NUP188: variants seen among roughly 807,000 people sequenced by gnomAD.
The protein encoded by NUP188 is nucleoporin 188.
A neutral mutation model predicts 223.0 loss-of-function variants in NUP188; 97 were observed. The observed-to-expected ratio is 0.43, with a 90% CI of 0.37 to 0.51. The LOEUF is 0.51. NUP188 is among the 20% of genes least tolerant of loss of function. The pLI is 0.00. For missense variants in NUP188, 1,947 were observed against 2,175.6 expected (o/e 0.89, Z 2.09); for synonymous variants, 869 against 828.0 (o/e 1.05, Z -0.85).
At chr9:128,968,763 A>G in intron 9 of NUP188, 46 bp downstream of exon 9, 3 of 1,424,120 alleles carry the variant, frequency 2.1e-6, no homozygotes, top group South Asian at 2.3e-5. Context: ...TGTTTAGAGC[A>G]TTGATACTAT....
chr9:128,959,457 A>G (rs1325683557), intron 8 of NUP188, among the ~76,000 whole-genome samples: 2 of 151,738 alleles, frequency 1.3e-5, no homozygotes, highest in African/African-American at 4.8e-5. Flanking sequence ...CTCTTAGGAG[A>G]ATTGTATACC....
intron 37 of NUP188, among the ~76,000 whole-genome samples, 157 bp from the exon 38 acceptor site, chr9:129,003,160 G>A (rs984913906): frequency 6.6e-6 from 1 of 152,188 alleles, no homozygotes; most frequent in African/African-American, 2.4e-5. Context: ...GGACGGGAAC[G>A]GTCTCGGGTC....
At position 128,949,254 on chromosome 9, in the gene NUP188, GTGT is replaced by G. The variant is rs1841741532; in HGVS notation, c.87+13_87+15del. 1 of 1,603,808 alleles carries G rather than the reference GTGT, an allele frequency of 6.2e-7. No homozygotes were observed. On this transcript the variant is annotated intron_variant, in intron 2 of 43. Transcript: ENST00000372577. ...GCTCTGAGAGAGCTGGTAAGTGGTGGTGTTCTTGAGTGGGTTCTCTGGGTTCTT... is the reference window on the plus strand; with the variant it reads ...GCTCTGAGAGAGCTGGTAAGTGGTGGTCTTGAGTGGGTTCTCTGGGTTCTT...
In NUP188 at chr9:129,006,051, T is replaced by G. The variant is rs755695202; in HGVS notation, c.4871T>G (p.Leu1624Arg). 3.1e-6 allele frequency: 5 copies of G among 1,614,048 alleles called. No individual in the cohort carries two copies. Among genetic ancestry groups the G allele is most frequent in the Non-Finnish European group, 2.5e-6 (3 of 1,180,042 alleles). ...TTTTTTACCCTTGCTTCTCTTCAGC[T>G]GGACAAGAAAAAGGAGCCCCTCACC... ...VNVALNMLGE[L>R]DKKKEPLTQA... Residue 1624 changes from leucine to arginine, a missense_variant and splice_region_variant, in exon 42 of 44, where the codon CTG (leucine) becomes CGG (arginine). This residue lies in a region of NUP188 where 905 missense variants were observed against 990.6 expected (regional missense o/e 0.91). Coordinates refer to ENST00000372577, the MANE Select transcript of NUP188 (RefSeq NM_015354.3).
chr9:128,967,334 A>G (rs1385776771), intron 8 of NUP188, among the ~76,000 whole-genome samples: 1 of 152,038 alleles, frequency 6.6e-6, no homozygotes. Context: ...TTTTTACTAT[A>G]CCTTTATAGG....
At chr9:128,973,664 T>A (rs1842133414) in intron 12 of NUP188, among the ~76,000 whole-genome samples, 1 of 152,206 alleles carries the variant, frequency 6.6e-6, no homozygotes, top group Non-Finnish European at 1.5e-5. Context: ...ATAACAGGCA[T>A]GAGCCACTGC....
intron 36 of NUP188, 59 bp from the exon 37 acceptor site, chr9:129,002,758 T>C: frequency 6.4e-7 from 1 of 1,567,240 alleles, no homozygotes; most frequent in Non-Finnish European, 8.7e-7. Flanking sequence ...GTTGCTGTAC[T>C]ACAAGGAGGT....
At position 128,981,121 on chromosome 9, in the gene NUP188, G is replaced by A. The variant is rs190564690; in HGVS notation, c.1390-143G>A. 1.2e-4 allele frequency: 109 copies of A among 941,278 alleles called. No individual in the cohort carries two copies. The East Asian group carries it at 1.2e-3, about 11-fold the overall frequency. The allele number at this position is 941,278 out of a possible 1,614,324, so 58.3% of individuals were successfully genotyped here. A position where few individuals can be genotyped will look rare whatever the true frequency, so the allele number is the denominator to read the frequency against. ...TGTTAAAGCCCAGTGAAGATTTGGC[G>A]AGGGGCGCAGAAGGCAGTTCCAAGA... On this transcript the variant is annotated intron_variant, in intron 14 of 43. Transcript: ENST00000372577.
intron 40 of NUP188, 50 bp downstream of exon 40, chr9:129,005,580 G>C: frequency 6.2e-7 from 1 of 1,611,096 alleles, no homozygotes; most frequent in Non-Finnish European, 8.5e-7. Context: ...GCTCTGCTCT[G>C]CTGTGTACCG....
intron 8 of NUP188, among the ~76,000 whole-genome samples, chr9:128,968,221 G>C (rs576770008): frequency 6.6e-6 from 1 of 152,236 alleles, no homozygotes; most frequent in Non-Finnish European, 1.5e-5. Flanking sequence ...CTCCAGCCTG[G>C]GTGATAGAGT....
chr9:128,956,301 C>G (rs1841870255), intron 3 of NUP188, 49 bp from the exon 4 acceptor site: 6 of 1,098,320 alleles, frequency 5.5e-6, no homozygotes, highest in Non-Finnish European at 6.5e-6. Context: ...TTATTTTAAA[C>G]TCAGTGGGCT....
At position 129,006,643 on chromosome 9, in the gene NUP188, T is replaced by C. The variant is rs141739680; in HGVS notation, c.5215T>C (p.Leu1739=). 6.1e-4 allele frequency: 989 copies of C among 1,614,136 alleles called. 9 individuals are homozygous for C. The African/African-American group carries it at 0.012, about 19-fold the overall frequency. ...SPESQEPLIQ[L]VQAFVRHMQR Reference sequence around the variant, plus strand: ...TGAGAGTCAGGAGCCTCTGATCCAGTTGGTGCAGGCGTTTGTCCGGCATAT... The same window carrying C: ...TGAGAGTCAGGAGCCTCTGATCCAGCTGGTGCAGGCGTTTGTCCGGCATAT... Residue 1739 remains leucine (L), a synonymous_variant, in exon 44 of 44, where the codon TTG becomes CTG. Transcript: ENST00000372577.
At chr9:128,984,169 C>T (rs757556866) in intron 19 of NUP188, among the ~76,000 whole-genome samples, 18 of 131,266 alleles carry the variant, frequency 1.4e-4, no homozygotes, top group Non-Finnish European at 2.2e-4. Context: ...TCTTGTTGCC[C>T]CGGCTGGAGT....
At position 129,006,778 on chromosome 9, in the gene NUP188, A is replaced by C. The variant is rs1588300497; in HGVS notation, c.*100A>C. 1.7e-6 allele frequency: 2 copies of C among 1,205,020 alleles called. No homozygotes were observed. The highest frequency in any genetic ancestry group is 1.1e-6 in the Non-Finnish European group (1 of 881,142). 74.6% of individuals were successfully genotyped at this position (1,205,020 alleles called of 1,614,324 possible). A position where few individuals can be genotyped will look rare whatever the true frequency, so the allele number is the denominator to read the frequency against. The stretch of plus-strand genomic sequence containing the variant: ...TGCTAGGGCCTATACAATGGAGGGC[A>C]CCTCCTGTCACCCCCCTCCCGGAGT... On this transcript the variant is annotated 3_prime_UTR_variant, in exon 44 of 44. Coordinates refer to ENST00000372577, the MANE Select transcript of NUP188 (RefSeq NM_015354.3).
Position 129,002,920 on chromosome 9 carries a change from A to G in NUP188, c.4241A>G (p.Asn1414Ser), listed in dbSNP as rs371104478. The G allele has an allele frequency of 2.6e-5, 42 of 1,613,966 alleles. No homozygotes were observed. The highest frequency in any genetic ancestry group is 3.3e-5 in the South Asian group (3 of 91,074). Residue 1414 changes from asparagine (N) to serine (S), a missense_variant, in exon 37 of 44, where the codon AAC becomes AGC. Transcript: ENST00000372577. ...MEQLLKTLRY[N>S]FLPEALDFVG... is the part of the protein sequence containing the mutation. ...CAGCTGCTCAAAACTCTGCGCTACA[A>G]CTTCCTGCCTGAGGCCCTGGACTTC...
intron 8 of NUP188, among the ~76,000 whole-genome samples, chr9:128,966,503 A>G (rs980723823): frequency 1.3e-5 from 2 of 151,684 alleles, no homozygotes; most frequent in Non-Finnish European, 2.9e-5. Flanking sequence ...CAGCCTCCCA[A>G]CTAGCTAGGA....
rs1842773684 is a variant in NUP188, at chr9:129,005,533, A to G, written c.4737+3A>G. On this transcript the variant is annotated splice_donor_region_variant and intron_variant, in intron 40 of 43. Transcript: ENST00000372577. ...TCTGCCAGATTCTGCTGGATCAGGT[A>G]CTGCCCATCATCTGTTCAGCACCAC... The G allele has an allele frequency of 3.1e-6, 5 of 1,608,020 alleles. No individual in the cohort carries two copies. The highest frequency in any genetic ancestry group is 1.1e-5 in the South Asian group (1 of 91,056).
At chr9:128,999,363 C>T (rs1314854905) in intron 33 of NUP188, 46 bp downstream of exon 33, 1 of 1,600,834 alleles carries the variant, frequency 6.2e-7, no homozygotes, top group Non-Finnish European at 8.5e-7. Flanking sequence ...TCTGCCCACT[C>T]CTGCTGACAG....
In NUP188 at chr9:128,961,590, C is replaced by CTATCTATCTAGA. The variant is rs1554828101; in HGVS notation, c.585+2458_585+2459insTCTATCTAGATA. Among the ~76,000 whole-genome samples, 251 of 138,134 alleles carry CTATCTATCTAGA rather than the reference C, an allele frequency of 1.8e-3. 2 individuals are homozygous for CTATCTATCTAGA. The highest frequency in any genetic ancestry group is 6.9e-3 in the African/African-American group (234 of 33,812). 90.6% of individuals were successfully genotyped at this position (138,134 alleles called of 152,430 possible). On this transcript the variant is annotated intron_variant, in intron 8 of 43. Transcript: ENST00000372577. Reference sequence around the variant, plus strand: ...TCTATATCTATATCTATCTATCTATCTAGATAGATAGATAGATAGATAGAT... The same window carrying CTATCTATCTAGA: ...TCTATATCTATATCTATCTATCTATCTATCTATCTAGATAGATAGATAGATAGATAGATAGAT...
Sources: gnomAD v4.1 joint callset for allele counts (sites outside exome capture counted in the v4.1 genomes callset) on GRCh38, gnomAD v4.1.1 for gene constraint, gnomAD v4.1.1 regional missense constraint, MANE v1.5 for transcripts, NCBI Gene and HGNC (gene_info 2026-07-23, HGNC 2026-07-21) for gene names.